The following POU2F3 variants were observed in gnomAD, a reference collection of about 807,000 sequenced individuals.
POU2F3 encodes POU domain, class 2, transcription factor 3.
In POU2F3, 23 loss-of-function variants were observed where a neutral mutation model predicts 59.2. That is an observed-to-expected ratio of 0.39 (90% CI 0.28 to 0.55). The LOEUF is 0.55. Among genes scored for constraint, POU2F3 ranks in the 20% least tolerant of loss-of-function variants. The pLI is 0.66. For synonymous variants in POU2F3, 190 were observed against 214.6 expected (o/e 0.89, Z 1.00); for missense variants, 473 against 544.5 (o/e 0.87, Z 1.31).
intron 2 of POU2F3, among the ~76,000 whole-genome samples, chr11:120,268,567 C>A (rs1436163580): frequency 6.6e-6 from 1 of 152,148 alleles, no homozygotes; most frequent in Non-Finnish European, 1.5e-5. Context: ...GGCTCAAACT[C>A]CTGAGCTCAA....
chr11:120,256,337 A>G (rs1311681845), intron 2 of POU2F3: 1 of 152,232 alleles, frequency 6.6e-6, no homozygotes, highest in African/African-American at 2.4e-5. Flanking sequence ...ACACAAGTCA[A>G]CATTTGTAAA....
rs201635556 is a variant in POU2F3, at chr11:120,307,809, ACCT to A, written c.906+206_906+208del. Among the ~76,000 whole-genome samples, 725 of 151,878 alleles carry A rather than the reference ACCT, an allele frequency of 4.8e-3. 5 individuals are homozygous for A. The highest frequency in any genetic ancestry group is 0.016 in the African/African-American group (675 of 41,390). On this transcript the variant is annotated intron_variant, in intron 9 of 12. Coordinates refer to ENST00000543440, the MANE Select transcript of POU2F3 (RefSeq NM_014352.4). ...CTGCCCTCCATCTCAGGTTCCAGGA[ACCT>A]CCTCCTCCTCCACTGACCCTTCTTG...
intron 3 of POU2F3, among the ~76,000 whole-genome samples, chr11:120,293,438 AT>A (rs1241353251): frequency 1.3e-5 from 2 of 152,140 alleles, no homozygotes; most frequent in African/African-American, 4.8e-5. Flanking sequence ...AAATGTTTTC[AT>A]TTGCCAATCC....
chr11:120,253,971 C>T (rs1055926371), intron 2 of POU2F3: 2 of 152,166 alleles, frequency 1.3e-5, no homozygotes, highest in Non-Finnish European at 2.9e-5. Context: ...TGGCATGACA[C>T]CCACCTACCC....
At chr11:120,277,945 T>G (rs562219727) in intron 3 of POU2F3, among the ~76,000 whole-genome samples, 2 of 152,330 alleles carry the variant, frequency 1.3e-5, no homozygotes, top group East Asian at 3.9e-4. Context: ...CATGCCTCTA[T>G]GAGTGTGACA....
chr11:120,284,855 C>T (rs10790373), intron 3 of POU2F3, among the ~76,000 whole-genome samples: 43,521 of 152,080 alleles, frequency 0.29, 8,062 homozygotes, highest in East Asian at 0.85. Context: ...GTCCCCTGTT[C>T]TCAGCAGCAT....
At chr11:120,307,757 C>A in intron 9 of POU2F3, 142 bp downstream of exon 9, 1 of 1,129,792 alleles carries the variant, frequency 8.9e-7, no homozygotes, top group Non-Finnish European at 1.2e-6. Flanking sequence ...TATCCCACTC[C>A]AGGCGCCCAG....
rs1941529289 is a variant in POU2F3, at chr11:120,307,495, C to A, written c.786C>A (p.Asp262Glu). 6.2e-7 allele frequency: 1 copy of A among 1,614,050 alleles called. No homozygotes were observed. Among genetic ancestry groups the A allele is most frequent in the Non-Finnish European group, 8.5e-7 (1 of 1,180,000 alleles). The part of the protein sequence containing the change: ...WLNDAESSPS[D>E]PSVSTPSSYP... Reference sequence around the variant, plus strand: ...TCCCTGCAGAGTCCTCTCCGTCAGACCCCTCAGTGAGCACGCCCAGCTCCT... The same window carrying A: ...TCCCTGCAGAGTCCTCTCCGTCAGAACCCTCAGTGAGCACGCCCAGCTCCT... Residue 262 changes from aspartate (D) to glutamate (E), a missense_variant, in exon 9 of 13, where the codon GAC becomes GAA. Asp to Glu is a conservative substitution (Grantham distance 45). Transcript: ENST00000543440.
chr11:120,318,385 TC>T lies in POU2F3; in HGVS notation c.1306del (p.His436ThrfsTer68). The T allele has an allele frequency of 6.2e-7, 1 of 1,604,504 alleles. No homozygotes were observed. The highest frequency in any genetic ancestry group is 8.5e-7 in the Non-Finnish European group (1 of 1,171,220). On this transcript the variant is annotated frameshift_variant, in exon 13 of 13. Transcript: ENST00000543440. LOFTEE classifies it high-confidence loss of function. ...SWYRWNHSTYLH is the reference protein window; with the variant it reads ...SWYRWNHSTYXH ...TACCGATGGAATCATTCCACCTACC[TC>T]CACTGAGACCAAAAAGTTTCTCCTA...
At chr11:120,266,257 G>T (rs188724693) in intron 2 of POU2F3, among the ~76,000 whole-genome samples, 2 of 152,020 alleles carry the variant, frequency 1.3e-5, no homozygotes, top group Admixed American at 6.6e-5. Context: ...CCACATCCCC[G>T]CATCAGCCAG....
upstream of POU2F3, chr11:120,236,793 CTCA>C: frequency 7.7e-7 from 1 of 1,299,650 alleles, no homozygotes. Flanking sequence ...ATAAAGATTG[CTCA>C]CCATTCCCCC....
intron 3 of POU2F3, among the ~76,000 whole-genome samples, chr11:120,298,010 C>T (rs1225421837): frequency 4.7e-5 from 7 of 150,250 alleles, no homozygotes; most frequent in East Asian, 2.0e-4. Context: ...ATTCCTACAT[C>T]GAGCCCTACT....
intron 3 of POU2F3, among the ~76,000 whole-genome samples, chr11:120,279,191 C>G (rs899812670): frequency 7.2e-5 from 11 of 151,806 alleles, no homozygotes; most frequent in Admixed American, 3.3e-4. Flanking sequence ...GTTCTCCCCC[C>G]ACCACTGCCT....
chr11:120,256,202 A>G (rs560626867), intron 2 of POU2F3: 107 of 152,216 alleles, frequency 7.0e-4, no homozygotes, highest in African/African-American at 2.5e-3. Flanking sequence ...AGTGTCTCTG[A>G]TGTGTTGAGA....
At chr11:120,255,966 A>T (rs948312164) in intron 2 of POU2F3, 7 of 152,190 alleles carry the variant, frequency 4.6e-5, no homozygotes, top group African/African-American at 1.7e-4. Flanking sequence ...AGGTGTGAGG[A>T]CAGATGGATT....
Position 120,317,294 on chromosome 11 carries a change from A to G in POU2F3, c.1201A>G (p.Ser401Gly), listed in dbSNP as rs1461347692. Reference protein sequence around the residue: ...PSSPGSGLHASSPTASQNNSK... With the variant: ...PSSPGSGLHAGSPTASQNNSK... ...ATCTCCTGGCTCAGGACTCCACGCCAGCAGCCCCACTGCATCTCAAAATAA... is the reference window on the plus strand; with the variant it reads ...ATCTCCTGGCTCAGGACTCCACGCCGGCAGCCCCACTGCATCTCAAAATAA... The change falls in exon 12 of 13, where the codon AGC (serine) becomes GGC (glycine). Residue 401 changes from serine to glycine, a missense_variant. Transcript: ENST00000543440. 5 of 1,614,074 alleles carry G rather than the reference A, an allele frequency of 3.1e-6. No individual in the cohort carries two copies. The highest frequency in any genetic ancestry group is 4.2e-6 in the Non-Finnish European group (5 of 1,179,926).
At chr11:120,293,604 A>G (rs899526774) in intron 3 of POU2F3, among the ~76,000 whole-genome samples, 2 of 152,216 alleles carry the variant, frequency 1.3e-5, no homozygotes, top group African/African-American at 4.8e-5. Flanking sequence ...TTTATGAAAC[A>G]CTTTCCACAA....
At chr11:120,288,148 A>AAAAAAAAAC (rs1555076871) in intron 3 of POU2F3, among the ~76,000 whole-genome samples, 5 of 146,370 alleles carry the variant, frequency 3.4e-5, no homozygotes, top group South Asian at 2.3e-4. Flanking sequence ...AAAAAAAAAA[A>AAAAAAAAAC]CAAGAAAAAA....
chr11:120,301,086 C>G (rs1941335251), intron 5 of POU2F3: 2 of 456,124 alleles, frequency 4.4e-6, no homozygotes, highest in Non-Finnish European at 8.8e-6. Context: ...TTATAACCAC[C>G]TAGGTCAGTG....
Sources: gnomAD v4.1 joint callset for allele counts (sites outside exome capture counted in the v4.1 genomes callset) on GRCh38, gnomAD v4.1.1 for gene constraint, MANE v1.5 for transcripts, NCBI Gene and HGNC (gene_info 2026-07-23, HGNC 2026-07-21) for gene names.